Variants in ZNF438 observed in about 807,000 individuals in gnomAD.
The protein encoded by ZNF438 is zinc finger protein 438.
ZNF438 carries 25 observed loss-of-function variants against 38.0 expected under a neutral mutation model. The ratio of observed to expected loss-of-function variants is 0.66; its 90% CI spans 0.48 to 0.92. The LOEUF (loss-of-function observed/expected upper bound fraction) is 0.92, where lower values mean the gene tolerates loss of function less well. Ranked by LOEUF, ZNF438 falls within the 40% of genes least tolerant of loss-of-function variation. The pLI is 0.00. For missense variants in ZNF438, 1,007 were observed against 999.6 expected, an observed-to-expected ratio of 1.01 and a Z score of -0.10; for synonymous variants, 372 against 364.1, an observed-to-expected ratio of 1.02 and a Z score of -0.25.
intron 1 of ZNF438, among the ~76,000 whole-genome samples, chr10:30,971,049 T>A (rs922840633): frequency 6.6e-6 from 1 of 152,204 alleles, no homozygotes. Context: ...GCAGTTACAG[T>A]CTTAGCAATT....
chr10:30,884,362 G>C lies in ZNF438; in HGVS notation c.-31-7297C>G, dbSNP rs973983256. Among the ~76,000 whole-genome samples the C allele has an allele frequency of 2.0e-5, 3 of 152,018 alleles. No homozygotes were observed. The South Asian group carries it at 6.2e-4, about 32-fold the overall frequency. ...ATCCTCTGATTTGATCCTCTGATTT[G>C]ACTGGATAATAATATAAATATGCTA... is the stretch of plus-strand genomic sequence containing the variant. On this transcript the variant is annotated intron_variant, in intron 3 of 5. Transcript: ENST00000413025.
rs200846647 is a variant in ZNF438 at position 30,896,316 on chromosome 10, C to A, written c.-32+12617G>T. Among the ~76,000 whole-genome samples, 1,012 of 120,452 alleles carry A rather than the reference C, an allele frequency of 8.4e-3. 7 individuals are homozygous for A. Among genetic ancestry groups the A allele is most frequent in the African/African-American group, 0.021 (689 of 32,618 alleles). 79.0% of individuals were successfully genotyped at this position (120,452 alleles called of 152,430 possible). A position where few individuals can be genotyped will look rare whatever the true frequency, so the allele number is the denominator to read the frequency against. ...ATCTCAAAAAAAAAAAAAAAAAAAA[C>A]AAAAAACTGAAAGCAAGATCTCAAA... On this transcript the variant is annotated intron_variant, in intron 3 of 5. Coordinates refer to ENST00000413025, the Ensembl canonical transcript of ZNF438.
At chr10:30,945,388 C>CTTTTTTTTTTTTTTTTTTTTT (rs61149961) in intron 1 of ZNF438, among the ~76,000 whole-genome samples, 1 of 141,124 alleles carries the variant, frequency 7.1e-6, no homozygotes, top group Non-Finnish European at 1.5e-5. Flanking sequence ...GATTCTTTTA[C>CTTTTTTTTTTTTTTTTTTTTT]TTTTTTTTTT....
At chr10:30,950,554 G>T (rs1179282906) in intron 1 of ZNF438, among the ~76,000 whole-genome samples, 2 of 151,886 alleles carry the variant, frequency 1.3e-5, no homozygotes. Context: ...AATAAAAAAT[G>T]ATAAAGGGGA....
intron 3 of ZNF438, among the ~76,000 whole-genome samples, chr10:30,901,788 GGTGA>G (rs899940958): frequency 1.3e-5 from 2 of 152,108 alleles, no homozygotes; most frequent in Admixed American, 1.3e-4. Context: ...GGACCCTCAC[GGTGA>G]GTGTTACAGT....
intron 1 of ZNF438, among the ~76,000 whole-genome samples, chr10:30,958,776 C>A (rs1354449883): frequency 6.8e-6 from 1 of 146,906 alleles, no homozygotes; most frequent in African/African-American, 2.4e-5. Context: ...ATCAGTTTCC[C>A]TTTTCTAGAA....
At chr10:31,007,911 T>C (rs1004967045) in intron 1 of ZNF438, among the ~76,000 whole-genome samples, 1 of 152,254 alleles carries the variant, frequency 6.6e-6, no homozygotes, top group African/African-American at 2.4e-5. Context: ...TAAAGCAAAA[T>C]GAGGGGGGAC....
chr10:30,998,540 C>CAAAAAAAAAAAAA (rs55838240), intron 1 of ZNF438, among the ~76,000 whole-genome samples: 2 of 33,878 alleles, frequency 5.9e-5, no homozygotes, highest in Non-Finnish European at 9.7e-5. Context: ...GAGACTGTCT[C>CAAAAAAAAAAAAA]AAAAAAAAAA....
intron 4 of ZNF438, among the ~76,000 whole-genome samples, chr10:30,866,712 T>C (rs968481686): frequency 6.6e-6 from 1 of 151,978 alleles, no homozygotes; most frequent in Non-Finnish European, 1.5e-5. Flanking sequence ...CAGGCACCTG[T>C]AGTCCCAGCT....
chr10:30,943,417 G>A (rs1166224814), intron 1 of ZNF438, among the ~76,000 whole-genome samples: 6 of 152,012 alleles, frequency 3.9e-5, no homozygotes, highest in African/African-American at 1.2e-4. Context: ...GAAAGCATAT[G>A]AATGGAAAAA....
At chr10:30,955,714 C>T (rs1564731739) in intron 1 of ZNF438, among the ~76,000 whole-genome samples, 1 of 152,174 alleles carries the variant, frequency 6.6e-6, no homozygotes, top group Non-Finnish European at 1.5e-5. Flanking sequence ...AATTTTCAAC[C>T]CATAGAACGA....
chr10:30,984,687 A>T (rs756170525), intron 1 of ZNF438, among the ~76,000 whole-genome samples: 4 of 152,226 alleles, frequency 2.6e-5, no homozygotes, highest in Non-Finnish European at 5.9e-5. Context: ...ACAATGAATA[A>T]AACTGGCTAA....
intron 1 of ZNF438, among the ~76,000 whole-genome samples, chr10:31,002,188 G>T (rs543676160): frequency 1.3e-5 from 2 of 152,338 alleles, no homozygotes; most frequent in East Asian, 3.9e-4. Flanking sequence ...CGAAAGAATA[G>T]AAGAGATAAC....
intron 3 of ZNF438, among the ~76,000 whole-genome samples, chr10:30,903,066 G>A (rs2042211724): frequency 6.6e-6 from 1 of 152,174 alleles, no homozygotes; most frequent in South Asian, 2.1e-4. Context: ...GCCTGGGCTG[G>A]CAGGGCCGGC....
At chr10:30,894,310 A>C (rs765762440) in intron 3 of ZNF438, among the ~76,000 whole-genome samples, 4 of 152,220 alleles carry the variant, frequency 2.6e-5, no homozygotes, top group Non-Finnish European at 4.4e-5. Flanking sequence ...TTGGAGGACT[A>C]GACAGTCCAG....
At chr10:31,023,921 G>A (rs921735257) in intron 1 of ZNF438, among the ~76,000 whole-genome samples, 1 of 152,102 alleles carries the variant, frequency 6.6e-6, no homozygotes, top group South Asian at 2.1e-4. Flanking sequence ...ACATAAAAAC[G>A]TCTCTGCCTG....
intron 5 of ZNF438, among the ~76,000 whole-genome samples, chr10:30,846,017 A>G (rs2031978052): frequency 6.6e-6 from 1 of 152,166 alleles, no homozygotes; most frequent in Non-Finnish European, 1.5e-5. Flanking sequence ...TCACTCTGTC[A>G]TGTTCAGTAA....
At chr10:30,874,158 ATATATT>A (rs1564541714) in intron 4 of ZNF438, among the ~76,000 whole-genome samples, 1 of 93,414 alleles carries the variant, frequency 1.1e-5, no homozygotes, top group Non-Finnish European at 2.1e-5. Context: ...ATATATATAT[ATATATT>A]TAGAGACAAG....
chr10:30,915,904 C>T (rs2043578223), intron 2 of ZNF438, among the ~76,000 whole-genome samples: 1 of 151,936 alleles, frequency 6.6e-6, no homozygotes, highest in Admixed American at 6.6e-5. Context: ...TTATCTGGCC[C>T]ATCCTATTTT....
Sources: allele counts gnomAD v4.1 joint callset (sites outside exome capture counted in the v4.1 genomes callset), GRCh38; gene constraint gnomAD v4.1.1; transcripts MANE v1.5; gene names NCBI Gene and HGNC (gene_info 2026-07-23, HGNC 2026-07-21).